PRKCA: variants seen among roughly 807,000 people sequenced by gnomAD.
PRKCA encodes protein kinase C alpha type.
Under a neutral mutation model 87.0 loss-of-function variants are expected in PRKCA, and 27 were observed. The ratio of observed to expected loss-of-function variants is 0.31; its 90% CI spans 0.23 to 0.43. The LOEUF is 0.43. PRKCA is among the 20% of genes least tolerant of loss of function. The pLI is 1.00. For synonymous variants in PRKCA, 329 were observed against 311.1 expected (o/e 1.06, Z -0.61); for missense variants, 518 against 852.3 (o/e 0.61, Z 4.88).
At chr17:66,735,249 G>A (rs1973997286) in intron 9 of PRKCA, among the ~76,000 whole-genome samples, 1 of 152,190 alleles carries the variant, frequency 6.6e-6, no homozygotes, top group Non-Finnish European at 1.5e-5. Context: ...GCCATTATGT[G>A]GCAGTGGCCT....
intron 3 of PRKCA, among the ~76,000 whole-genome samples, chr17:66,570,887 T>C (rs896300515): frequency 6.6e-6 from 1 of 152,274 alleles, no homozygotes; most frequent in East Asian, 1.9e-4. Flanking sequence ...CTGGAGCATG[T>C]CACTCAGCCA....
At chr17:66,757,907 A>G (rs1974592756) in intron 13 of PRKCA, among the ~76,000 whole-genome samples, 1 of 152,136 alleles carries the variant, frequency 6.6e-6, no homozygotes, top group Non-Finnish European at 1.5e-5. Context: ...TTGTATTTTT[A>G]GTAAAGACAG....
chr17:66,391,654 T>C (rs1910364246), intron 2 of PRKCA, among the ~76,000 whole-genome samples: 1 of 152,204 alleles, frequency 6.6e-6, no homozygotes, highest in Non-Finnish European at 1.5e-5. Flanking sequence ...GGACAAGCAC[T>C]GATTGAGCCC....
rs1976032925 is a variant in PRKCA, at chr17:66,806,440, G to A, written c.*2403G>A. ...CTCCCCTGTCCCTGCAGCCCTGCAGGTCAGTGCATGATCTGGGTTCGTGTC... is the reference window on the plus strand; with the variant it reads ...CTCCCCTGTCCCTGCAGCCCTGCAGATCAGTGCATGATCTGGGTTCGTGTC... On this transcript the variant is annotated 3_prime_UTR_variant, in exon 17 of 17. Coordinates refer to ENST00000413366, the MANE Select transcript of PRKCA (RefSeq NM_002737.3). The A allele has an allele frequency of 6.6e-6, 1 of 152,328 alleles. No homozygotes were observed. 9.4% of individuals were successfully genotyped at this position (152,328 alleles called of 1,614,324 possible).
At chr17:66,366,113 A>C (rs577454137) in intron 2 of PRKCA, among the ~76,000 whole-genome samples, 2 of 152,200 alleles carry the variant, frequency 1.3e-5, no homozygotes, top group Non-Finnish European at 2.9e-5. Flanking sequence ...TAATGTGATC[A>C]GCTCTAAAAA....
intron 2 of PRKCA, chr17:66,404,286 G>A (rs900429504): frequency 1.3e-5 from 2 of 152,206 alleles, no homozygotes; most frequent in Non-Finnish European, 2.9e-5. Flanking sequence ...TGCTAGAAAA[G>A]CCTCTACAGG....
At chr17:66,394,568 G>A (rs1417614898) in intron 2 of PRKCA, among the ~76,000 whole-genome samples, 2 of 152,148 alleles carry the variant, frequency 1.3e-5, no homozygotes, top group Non-Finnish European at 2.9e-5. Context: ...CTGTTGTAAA[G>A]GGGCTTTTCT....
At chr17:66,757,786 G>A (rs898956952) in intron 13 of PRKCA, among the ~76,000 whole-genome samples, 3 of 152,200 alleles carry the variant, frequency 2.0e-5, no homozygotes, top group Admixed American at 6.5e-5. Context: ...GTGCAGTGGC[G>A]CCATCTCGGC....
chr17:66,711,677 T>A (rs1312097444), intron 8 of PRKCA, among the ~76,000 whole-genome samples: 3 of 152,134 alleles, frequency 2.0e-5, no homozygotes, highest in Non-Finnish European at 4.4e-5. Context: ...TAGATCAAAC[T>A]GGAAAATTTA....
At chr17:66,658,470 A>G (rs1357405001) in intron 5 of PRKCA, among the ~76,000 whole-genome samples, 1 of 150,246 alleles carries the variant, frequency 6.7e-6, no homozygotes, top group Non-Finnish European at 1.5e-5. Flanking sequence ...CTGGACAACA[A>G]GAGCAAAACT....
intron 2 of PRKCA, among the ~76,000 whole-genome samples, chr17:66,380,580 A>G (rs1909722870): frequency 6.6e-6 from 1 of 152,202 alleles, no homozygotes; most frequent in Non-Finnish European, 1.5e-5. Context: ...AATGTTAAAT[A>G]CTGCTATATT....
At chr17:66,313,331 G>C (rs1905163741) in intron 2 of PRKCA, among the ~76,000 whole-genome samples, 1 of 151,936 alleles carries the variant, frequency 6.6e-6, no homozygotes, top group Non-Finnish European at 1.5e-5. Flanking sequence ...TAAGATCTTA[G>C]GATCATTAAA....
intron 2 of PRKCA, among the ~76,000 whole-genome samples, chr17:66,374,867 A>G (rs996930212): frequency 6.6e-6 from 1 of 151,758 alleles, no homozygotes; most frequent in African/African-American, 2.4e-5. Context: ...AGCTGGGACT[A>G]CAGGCACTTG....
At chr17:66,613,275 G>A (rs1380322075) in intron 3 of PRKCA, among the ~76,000 whole-genome samples, 1 of 152,196 alleles carries the variant, frequency 6.6e-6, no homozygotes, top group Non-Finnish European at 1.5e-5. Context: ...CCCAGCAGTG[G>A]TTTTTGGAGG....
chr17:66,361,631 C>T (rs2143481566), intron 2 of PRKCA, among the ~76,000 whole-genome samples: 1 of 152,214 alleles, frequency 6.6e-6, no homozygotes, highest in Admixed American at 6.5e-5. Context: ...TTTTATTTTC[C>T]TCCAACAGCG....
At chr17:66,720,740 C>CA (rs1223370089) in intron 8 of PRKCA, among the ~76,000 whole-genome samples, 1 of 152,100 alleles carries the variant, frequency 6.6e-6, no homozygotes, top group Non-Finnish European at 1.5e-5. Context: ...CATCGTTGTA[C>CA]AAAAAATGGT....
intron 2 of PRKCA, among the ~76,000 whole-genome samples, chr17:66,419,877 T>C (rs2143785901): frequency 6.6e-6 from 1 of 152,284 alleles, no homozygotes; most frequent in East Asian, 1.9e-4. Context: ...TCCATCCATG[T>C]ATTTCTTCAT....
chr17:66,641,717 CTTT>C (rs534954912), intron 4 of PRKCA, among the ~76,000 whole-genome samples: 28 of 142,048 alleles, frequency 2.0e-4, no homozygotes, highest in Admixed American at 1.4e-4. Context: ...GGTGCTGTCA[CTTT>C]TTTTTTTTTT....
intron 8 of PRKCA, among the ~76,000 whole-genome samples, chr17:66,727,173 A>C (rs1973775625): frequency 6.7e-6 from 1 of 148,780 alleles, no homozygotes; most frequent in African/African-American, 2.5e-5. Context: ...TGCCACGGGA[A>C]GGAATTCAAG....
Sources: allele counts gnomAD v4.1 joint callset (sites outside exome capture counted in the v4.1 genomes callset), GRCh38; gene constraint gnomAD v4.1.1; transcripts MANE v1.5; gene names NCBI Gene and HGNC (gene_info 2026-07-23, HGNC 2026-07-21).